PRAG1: variants seen among roughly 807,000 people sequenced by gnomAD.
The protein encoded by PRAG1 is PEAK1 related, kinase-activating pseudokinase 1.
PRAG1 carries 110 observed loss-of-function variants against 95.6 expected under a neutral mutation model. The observed-to-expected ratio is 1.15, with a 90% CI of 0.99 to 1.35. PRAG1 has a LOEUF of 1.35. PRAG1 is among the 40% of genes most tolerant of loss of function. The pLI, the probability that PRAG1 is intolerant of heterozygous loss-of-function variation, is 0.00. For synonymous variants in PRAG1, 1,052 were observed against 819.4 expected (o/e 1.28, Z -4.85); for missense variants, 2,554 against 1,864.7 (o/e 1.37, Z -6.81).
chr8:8,335,024 T>C (rs1336633891), intron 4 of PRAG1, among the ~76,000 whole-genome samples: 3 of 151,882 alleles, frequency 2.0e-5, no homozygotes, highest in South Asian at 4.2e-4. Context: ...TGAGCAGAGA[T>C]TGTGCCACTC....
Position 8,377,818 on chromosome 8 carries a change from G to T in PRAG1, c.591C>A (p.Tyr197Ter). The T allele has an allele frequency of 6.2e-7, 1 of 1,614,166 alleles. No individual in the cohort carries two copies. The highest frequency in any genetic ancestry group is 8.5e-7 in the Non-Finnish European group (1 of 1,180,038). ...TCTCCTGGGTGGAGGGCCGGTCTTG[G>T]TAAGGAAATGAGGGTTTTTCTTTGT... The part of the protein sequence containing the change: ...AVHKEKPSFP[Y>*]QDRPSTQESF... The change falls in exon 3 of 6, where the codon TAC becomes TAA. Residue 197 changes from tyrosine to a stop codon, truncating the protein, a stop_gained. Transcript: ENST00000615670. LOFTEE classifies it high-confidence loss of function.
rs555248302 is a variant in PRAG1 at position 8,377,325 on chromosome 8, C to T, written c.1084G>A (p.Glu362Lys). Reference sequence around the variant, plus strand: ...TTCATGAGGGAGCAGTAATCACTCTCGAGGTGGGGGACGAAGGGGCTACTG... The same window carrying T: ...TTCATGAGGGAGCAGTAATCACTCTTGAGGTGGGGGACGAAGGGGCTACTG... ...GASSPFVPHL[E>K]SDYCSLMKEP... Residue 362 changes from glutamate (E) to lysine (K), a missense_variant, in exon 3 of 6, where the codon GAG (glutamate) becomes AAG (lysine). Transcript: ENST00000615670. The T allele has an allele frequency of 1.2e-5, 20 of 1,610,074 alleles. No individual in the cohort carries two copies. The highest frequency in any genetic ancestry group is 1.1e-4 in the South Asian group (10 of 90,670).
chr8:8,321,542 T>C (rs1798472244), intron 5 of PRAG1, among the ~76,000 whole-genome samples: 1 of 152,204 alleles, frequency 6.6e-6, no homozygotes, highest in African/African-American at 2.4e-5. Flanking sequence ...GTCTCACCCC[T>C]AACAGATTAC....
At chr8:8,375,150 C>A (rs1800338958) in intron 3 of PRAG1, among the ~76,000 whole-genome samples, 1 of 151,020 alleles carries the variant, frequency 6.6e-6, no homozygotes, top group South Asian at 2.1e-4. Flanking sequence ...AGCAGGGAAG[C>A]AGTAGGGAAA....
At chr8:8,336,085 C>T (rs1182350056) in intron 4 of PRAG1, among the ~76,000 whole-genome samples, 3 of 152,178 alleles carry the variant, frequency 2.0e-5, no homozygotes, top group African/African-American at 7.2e-5. Flanking sequence ...TACATGTATT[C>T]ATGCAAGTGA....
At chr8:8,353,516 G>A (rs915015652) in intron 3 of PRAG1, among the ~76,000 whole-genome samples, 2 of 151,948 alleles carry the variant, frequency 1.3e-5, no homozygotes, top group Non-Finnish European at 2.9e-5. Context: ...AATGACAATA[G>A]AAATACAATA....
At chr8:8,335,066 GA>G (rs971153213) in intron 4 of PRAG1, among the ~76,000 whole-genome samples, 36 of 144,970 alleles carry the variant, frequency 2.5e-4, no homozygotes, top group African/African-American at 3.3e-4. Flanking sequence ...ACTCTGTCTC[GA>G]AAAAAAAAAG....
chr8:8,368,595 A>G (rs1800088331), intron 3 of PRAG1, among the ~76,000 whole-genome samples: 1 of 152,172 alleles, frequency 6.6e-6, no homozygotes, highest in Admixed American at 6.5e-5. Flanking sequence ...AAACAACAAC[A>G]AAAAATTCCT....
Position 8,324,446 on chromosome 8 carries a change from T to C in PRAG1, c.3072+3264A>G, listed in dbSNP as rs79279891. ...AAGGCCAGCAACGGAGAAGGCTGCG[T>C]TGGGCGCATGCTAACTAGCCCTGTG... On this transcript the variant is annotated intron_variant, in intron 5 of 5. Coordinates refer to ENST00000615670, the MANE Select transcript of PRAG1 (RefSeq NM_001080826.3). Among the ~76,000 whole-genome samples the C allele has an allele frequency of 6.6e-3, 1,011 of 152,314 alleles. 5 individuals carry two copies. The highest frequency in any genetic ancestry group is 0.02 in the African/African-American group (817 of 41,562).
In PRAG1 at chr8:8,377,399, G is replaced by C. The variant is rs1325982402; in HGVS notation, c.1010C>G (p.Ser337Cys). The C allele has an allele frequency of 1.3e-6, 2 of 1,582,398 alleles. No individual in the cohort carries two copies. The highest frequency in any genetic ancestry group is 1.7e-6 in the Non-Finnish European group (2 of 1,165,812). ...KLSLTSEAAISSDGLSCGSGS... is the reference protein window; with the variant it reads ...KLSLTSEAAICSDGLSCGSGS... ...GCTGCCACAAGAGAGGCCGTCGGAA[G>C]AAATGGCAGCCTCCGAGGTGAGGGA... is the stretch of plus-strand genomic sequence containing the variant. The change falls in exon 3 of 6, where the codon TCT becomes TGT. Residue 337 changes from serine to cysteine, a missense_variant. By Grantham distance (112) the Ser-to-Cys change is moderately radical (BLOSUM62 -1). Coordinates refer to ENST00000615670, the MANE Select transcript of PRAG1 (RefSeq NM_001080826.3).
Position 8,377,863 on chromosome 8 carries a change from G to A in PRAG1, c.546C>T (p.Phe182=), listed in dbSNP as rs1293330661. The change falls in exon 3 of 6, where the codon TTC becomes TTT. Residue 182 remains phenylalanine (F), a synonymous_variant. Coordinates refer to ENST00000615670, the MANE Select transcript of PRAG1 (RefSeq NM_001080826.3). ...CTTTGTGCACAGCCTTCTCCTCCGG[G>A]AAGCTCACCGGGTGGAAGGCAATGT... ...ERNIAFHPVS[F]PEEKAVHKEK... 13 of 1,614,032 alleles carry A rather than the reference G, an allele frequency of 8.1e-6. No homozygotes were observed. The highest frequency in any genetic ancestry group is 8.5e-6 in the Non-Finnish European group (10 of 1,180,044).
chr8:8,353,846 A>G (rs1373789964), intron 3 of PRAG1, among the ~76,000 whole-genome samples: 1 of 152,044 alleles, frequency 6.6e-6, no homozygotes, highest in Non-Finnish European at 1.5e-5. Context: ...AGAAGAAGAT[A>G]AAGAAGTAGT....
At position 8,339,616 on chromosome 8, in the gene PRAG1, T is replaced by G. The variant is rs1205311618; in HGVS notation, c.2182A>C (p.Lys728Gln). 1 of 1,612,180 alleles carries G rather than the reference T, an allele frequency of 6.2e-7. No individual in the cohort carries two copies. Among genetic ancestry groups the G allele is most frequent in the East Asian group, 2.2e-5 (1 of 44,806 alleles). ...PKSRHLLKMN[K>Q]SSSDLEKVSQ... Reference sequence around the variant, plus strand: ...ACTTTTTCCAAATCAGAGCTGCTCTTGTTCATTTTTAGAAGGTGCCTGGAA... The same window carrying G: ...ACTTTTTCCAAATCAGAGCTGCTCTGGTTCATTTTTAGAAGGTGCCTGGAA... Residue 728 changes from lysine (K) to glutamine (Q), a missense_variant, in exon 4 of 6, where the codon AAG becomes CAG. Lys to Gln is a moderately conservative substitution (Grantham distance 53, BLOSUM62 1). Transcript: ENST00000615670.
intron 5 of PRAG1, 44 bp downstream of exon 5, chr8:8,327,666 C>G: frequency 6.4e-7 from 1 of 1,572,664 alleles, no homozygotes; most frequent in Non-Finnish European, 8.6e-7. Context: ...CAAGCCAGCA[C>G]CAGCCAGTGG....
chr8:8,350,658 T>C (rs1045991901), intron 3 of PRAG1, among the ~76,000 whole-genome samples: 2 of 152,094 alleles, frequency 1.3e-5, no homozygotes, highest in Admixed American at 6.5e-5. Flanking sequence ...GGATGGCCAA[T>C]GATGTGGTGG....
In PRAG1 at chr8:8,318,375, G is replaced by T. The variant is rs1798347611; in HGVS notation, c.4000C>A (p.Arg1334Ser). Residue 1334 changes from arginine (R) to serine (S), a missense_variant, in exon 6 of 6, where the codon CGC becomes AGC. Arg to Ser is a moderately radical substitution (Grantham distance 110). Coordinates refer to ENST00000615670, the MANE Select transcript of PRAG1 (RefSeq NM_001080826.3). The surrounding 1 kb of genome is among the most constrained non-coding windows in gnomAD (Gnocchi z 4.2). ...GTGCCCGGCTGCTGCACCAGCTCGC[G>T]CCGAGGCCCCCACAGCAGGCACTGC... The part of the protein sequence containing the change: ...VLQCLLWGPR[R>S]ELVQQPGTSE... 4 of 1,613,442 alleles carry T rather than the reference G, an allele frequency of 2.5e-6. No homozygotes were observed. Among genetic ancestry groups the T allele is most frequent in the Non-Finnish European group, 2.5e-6 (3 of 1,179,680 alleles).
Position 8,328,470 on chromosome 8 carries a change from G to A in PRAG1, c.2321-9C>T. ...CAGCTCAGACGAGGGACCTGAAGAG[G>A]AGAGACAGAAACCATAAGACCAAGG... On this transcript the variant is annotated splice_polypyrimidine_tract_variant and intron_variant, in intron 4 of 5. Coordinates refer to ENST00000615670, the MANE Select transcript of PRAG1 (RefSeq NM_001080826.3). The A allele has an allele frequency of 6.2e-7, 1 of 1,612,920 alleles. No individual in the cohort carries two copies.
intron 3 of PRAG1, among the ~76,000 whole-genome samples, chr8:8,371,803 G>A (rs1800216399): frequency 6.6e-6 from 1 of 152,140 alleles, no homozygotes; most frequent in Non-Finnish European, 1.5e-5. Flanking sequence ...CTGACAAGTG[G>A]AGGCTGCAGT....
intron 3 of PRAG1, among the ~76,000 whole-genome samples, chr8:8,350,599 A>C (rs1041375862): frequency 6.6e-6 from 1 of 152,206 alleles, no homozygotes; most frequent in Non-Finnish European, 1.5e-5. Context: ...GGGAAGAACA[A>C]TGATGCTAGC....
Sources: gnomAD v4.1 joint callset for allele counts (sites outside exome capture counted in the v4.1 genomes callset) on GRCh38, gnomAD v4.1.1 for gene constraint, Gnocchi (gnomAD v3.1) non-coding constraint, MANE v1.5 for transcripts, NCBI Gene and HGNC (gene_info 2026-07-23, HGNC 2026-07-21) for gene names.